Variants in DGKB observed in about 807,000 individuals in gnomAD.
The protein encoded by DGKB is 90 kDa diacylglycerol kinase.
A neutral mutation model predicts 114.3 loss-of-function variants in DGKB; 67 were observed. The ratio of observed to expected loss-of-function variants is 0.59; its 90% confidence interval spans 0.48 to 0.72. DGKB has a LOEUF of 0.72. Ranked by LOEUF, DGKB falls within the 30% of genes least tolerant of loss-of-function variation. The pLI, the probability that DGKB is intolerant of heterozygous loss-of-function variation, is 0.00. For synonymous variants in DGKB, 398 were observed against 323.1 expected, an observed-to-expected ratio of 1.23 and a Z score of -2.49; for missense variants, 907 against 975.2, an observed-to-expected ratio of 0.93 and a Z score of 0.93.
intron 1 of DGKB, among the ~76,000 whole-genome samples, chr7:14,847,842 T>A (rs529909956): frequency 1.3e-5 from 2 of 152,298 alleles, no homozygotes; most frequent in African/African-American, 4.8e-5. Context: ...AAAAACATCC[T>A]GAGCAGAAAC....
chr7:14,471,237 A>ATG (rs375120173), intron 21 of DGKB, among the ~76,000 whole-genome samples: 156 of 1,576 alleles, frequency 0.099, 42 homozygotes, highest in African/African-American at 0.38. Context: ...TATGGAATAT[A>ATG]TGTATACATA....
chr7:14,829,162 G>C (rs1341525987), intron 2 of DGKB, among the ~76,000 whole-genome samples: 1 of 152,006 alleles, frequency 6.6e-6, no homozygotes, highest in Admixed American at 6.6e-5. Context: ...TCATGGGCAA[G>C]CTCATGCCAT....
Position 14,583,157 on chromosome 7 carries a change from T to C in DGKB, c.1434-20A>G, listed in dbSNP as rs376878765. On this transcript the variant is annotated intron_variant, in intron 17 of 25. Transcript: ENST00000402815. ...TTTAACCTGAAAAATAAGCATGTTA[T>C]GGCACATGATTAATAGTTTAAAAAT... 6.2e-6 allele frequency: 9 copies of C among 1,459,926 alleles called. No homozygotes were observed. The highest frequency in any genetic ancestry group is 8.6e-6 in the Non-Finnish European group (9 of 1,043,680). 90.4% of individuals were successfully genotyped at this position (1,459,926 alleles called of 1,614,324 possible).
chr7:14,265,919 T>C (rs972845777), intron 23 of DGKB, among the ~76,000 whole-genome samples: 4 of 152,212 alleles, frequency 2.6e-5, no homozygotes, highest in African/African-American at 7.2e-5. Flanking sequence ...TTTTAGTTTG[T>C]TTCTTATCTT....
At chr7:14,770,454 C>G (rs1837248150) in intron 2 of DGKB, among the ~76,000 whole-genome samples, 2 of 152,118 alleles carry the variant, frequency 1.3e-5, no homozygotes, top group Admixed American at 1.3e-4. Flanking sequence ...TGCCTGGGAG[C>G]AGTCCAGGGA....
At chr7:14,908,505 A>G (rs1477862166) in intron 1 of DGKB, among the ~76,000 whole-genome samples, 1 of 152,204 alleles carries the variant, frequency 6.6e-6, no homozygotes, top group East Asian at 1.9e-4. Context: ...TCTTTAAAAC[A>G]CCATGCTATC....
In DGKB at chr7:14,936,715, T is replaced by C. The variant is rs191406336; in HGVS notation, c.-188+37981A>G. On this transcript the variant is annotated intron_variant, in intron 1 of 4. Transcript: ENST00000437998. Reference sequence around the variant, plus strand: ...TTCTTTTGGCAGCAGACTTAGACTTTCCTTTGGTAAATGATTACTCTCCCA... The same window carrying C: ...TTCTTTTGGCAGCAGACTTAGACTTCCCTTTGGTAAATGATTACTCTCCCA... 2.9e-4 allele frequency among the ~76,000 whole-genome samples: 44 copies of C among 152,232 alleles called. No homozygotes were observed. The East Asian group carries it at 7.8e-3, about 27-fold the overall frequency.
intron 1 of DGKB, among the ~76,000 whole-genome samples, chr7:14,971,714 A>G (rs753836367): frequency 2.0e-5 from 3 of 152,140 alleles, no homozygotes; most frequent in Non-Finnish European, 4.4e-5. Flanking sequence ...ATTTTTTTCA[A>G]AAAGTCACAG....
Position 14,916,255 on chromosome 7 carries a change from AAAG to A in DGKB, c.-188+58438_-188+58440del, listed in dbSNP as rs576495480. On this transcript the variant is annotated intron_variant, in intron 1 of 4. Transcript: ENST00000437998. ...TATAATCATATGAAATAGTTAATTA[AAAG>A]AAGTGAAAGCAGTGAAAGAGGGAAC... 1.0e-3 allele frequency among the ~76,000 whole-genome samples: 144 copies of A among 142,606 alleles called. 2 individuals carry two copies. The highest frequency in any genetic ancestry group is 3.7e-3 in the African/African-American group (135 of 36,344). 93.6% of individuals were successfully genotyped at this position (142,606 alleles called of 152,430 possible).
At chr7:14,730,225 G>A (rs957867880) in intron 5 of DGKB, among the ~76,000 whole-genome samples, 33 of 152,166 alleles carry the variant, frequency 2.2e-4, no homozygotes, top group Admixed American at 7.2e-4. Flanking sequence ...GTAAAGAAAG[G>A]TAATTTCTCT....
intron 21 of DGKB, among the ~76,000 whole-genome samples, chr7:14,386,345 T>C (rs1820336669): frequency 6.6e-6 from 1 of 152,216 alleles, no homozygotes; most frequent in Admixed American, 6.5e-5. Context: ...AGCAAATATC[T>C]CCATTTAAAT....
At chr7:14,907,870 A>C (rs1321377177), upstream of DGKB, among the ~76,000 whole-genome samples, 2 of 152,220 alleles carry the variant, frequency 1.3e-5, no homozygotes, top group Non-Finnish European at 2.9e-5. Flanking sequence ...ATATTCAGTC[A>C]AACTTTCTGA....
chr7:14,730,124 G>C (rs1270355608), intron 5 of DGKB, among the ~76,000 whole-genome samples: 1 of 152,102 alleles, frequency 6.6e-6, no homozygotes, highest in Non-Finnish European at 1.5e-5. Context: ...GTTTAAATGA[G>C]TTAATATACT....
intron 23 of DGKB, among the ~76,000 whole-genome samples, chr7:14,310,061 C>G (rs956657633): frequency 1.3e-5 from 2 of 152,060 alleles, no homozygotes; most frequent in African/African-American, 4.8e-5. Context: ...GGTAGAAATT[C>G]CAGAACTGCC....
At chr7:14,742,119 C>G (rs1189393886) in intron 4 of DGKB, among the ~76,000 whole-genome samples, 2 of 152,154 alleles carry the variant, frequency 1.3e-5, no homozygotes, top group Non-Finnish European at 2.9e-5. Flanking sequence ...GGAGAAACCT[C>G]TGTTTTCCTC....
chr7:14,901,605 A>ACCCCCCCCCCCCCCCCCCCTCCCCCCCC (rs1300363624), intron 1 of DGKB, among the ~76,000 whole-genome samples: 1 of 123,096 alleles, frequency 8.1e-6, no homozygotes, highest in Admixed American at 8.7e-5. Flanking sequence ...AGGGATTTCC[A>ACCCCCCCCCCCCCCCCCCCTCCCCCCCC]CCCCCCCCCA....
chr7:14,832,247 G>A (rs1192574512), intron 2 of DGKB, among the ~76,000 whole-genome samples: 1 of 151,970 alleles, frequency 6.6e-6, no homozygotes, highest in Non-Finnish European at 1.5e-5. Flanking sequence ...ATAGACTCAA[G>A]CAAACTGAAT....
At chr7:14,261,207 T>C (rs550194283) in intron 23 of DGKB, among the ~76,000 whole-genome samples, 1 of 151,734 alleles carries the variant, frequency 6.6e-6, no homozygotes, top group African/African-American at 2.4e-5. Context: ...CAAAATAATT[T>C]AGACAAATAT....
At chr7:14,467,309 A>C (rs1780625601) in intron 21 of DGKB, among the ~76,000 whole-genome samples, 2 of 150,820 alleles carry the variant, frequency 1.3e-5, no homozygotes, top group South Asian at 4.1e-4. Flanking sequence ...ATTCCACAAA[A>C]GTATATGAGT....
Sources: allele counts gnomAD v4.1 joint callset (sites outside exome capture counted in the v4.1 genomes callset), GRCh38; gene constraint gnomAD v4.1.1; transcripts MANE v1.5; gene names NCBI Gene and HGNC (gene_info 2026-07-23, HGNC 2026-07-21).